Variants in ZSWIM6 observed in about 807,000 individuals in gnomAD.
ZSWIM6 encodes zinc finger SWIM-type containing 6.
Under a neutral mutation model 113.2 loss-of-function variants are expected in ZSWIM6, and 9 were observed. The observed-to-expected ratio is 0.08, with a 90% CI of 0.05 to 0.14. The LOEUF (loss-of-function observed/expected upper bound fraction) is 0.14. ZSWIM6 is among the 10% of genes least tolerant of loss of function. The pLI, the probability that ZSWIM6 is intolerant of heterozygous loss-of-function variation, is 1.00. For synonymous variants in ZSWIM6, 611 were observed against 606.5 expected, an observed-to-expected ratio of 1.01 and a Z score of -0.11; for missense variants, 1,162 against 1,552.2, an observed-to-expected ratio of 0.75 and a Z score of 4.22.
rs532881867 is a variant in ZSWIM6 at position 61,344,790 on chromosome 5, C to T, written c.676+11842C>T. 2.0e-4 allele frequency among the ~76,000 whole-genome samples: 30 copies of T among 152,182 alleles called. 1 individual carries two copies. Among genetic ancestry groups the T allele is most frequent in the Non-Finnish European group, 4.1e-4 (28 of 68,030 alleles). ...AGGCCACGACGGCACAGGGTCAGCA[C>T]GTTGTGGGACTGCTGGTAAATGTCA... On this transcript the variant is annotated intron_variant, in intron 1 of 13. Coordinates refer to ENST00000252744, the MANE Select transcript of ZSWIM6 (RefSeq NM_020928.2).
chr5:61,341,082 T>C (rs1744535329), intron 1 of ZSWIM6, among the ~76,000 whole-genome samples: 3 of 152,242 alleles, frequency 2.0e-5, no homozygotes, highest in South Asian at 2.1e-4. Flanking sequence ...GCCATTATCT[T>C]GGGTGGAGTT....
At chr5:61,391,908 T>G (rs1745725590) in intron 1 of ZSWIM6, 1 of 577,500 alleles carries the variant, frequency 1.7e-6, no homozygotes, top group Non-Finnish European at 3.0e-6. Flanking sequence ...CAAAAAATGG[T>G]ATTTTCAAAA....
At chr5:61,477,042 G>C (rs1024366221) in intron 2 of ZSWIM6, among the ~76,000 whole-genome samples, 12 of 152,196 alleles carry the variant, frequency 7.9e-5, no homozygotes, top group Admixed American at 7.2e-4. Flanking sequence ...GTTAAGAAGA[G>C]AGAAGCCAGT....
intron 1 of ZSWIM6, among the ~76,000 whole-genome samples, chr5:61,434,429 T>C (rs1289441954): frequency 6.6e-6 from 1 of 151,552 alleles, no homozygotes; most frequent in African/African-American, 2.4e-5. Flanking sequence ...ATGTGTAGTC[T>C]TTTATCCCTC....
intron 1 of ZSWIM6, among the ~76,000 whole-genome samples, chr5:61,387,531 T>A (rs761521830): frequency 3.9e-5 from 6 of 151,992 alleles, no homozygotes; most frequent in Non-Finnish European, 8.8e-5. Flanking sequence ...CCAGGTGTGG[T>A]GGCATGCACC....
chr5:61,531,411 TATC>T (rs1749426198), intron 8 of ZSWIM6, 51 bp from the exon 9 acceptor site: 3 of 1,512,964 alleles, frequency 2.0e-6, no homozygotes, highest in Non-Finnish European at 1.8e-6. Flanking sequence ...GTACTTATCA[TATC>T]ATCTGCAAAA....
chr5:61,445,307 C>T (rs1164928506), intron 1 of ZSWIM6, among the ~76,000 whole-genome samples: 2 of 151,974 alleles, frequency 1.3e-5, no homozygotes, highest in Non-Finnish European at 2.9e-5. Context: ...AAAACAAGGA[C>T]AAAGAACAAG....
rs116778322 is a variant in ZSWIM6 at position 61,363,481 on chromosome 5, G to A, written c.676+30533G>A. Reference sequence around the variant, plus strand: ...AAAGGCTGACTAAACCCTTGTTCTCGGCAATCTCATCTCTGATCCCAAAGT... The same window carrying A: ...AAAGGCTGACTAAACCCTTGTTCTCAGCAATCTCATCTCTGATCCCAAAGT... On this transcript the variant is annotated intron_variant, in intron 1 of 13. Transcript: ENST00000252744. 6.9e-3 allele frequency among the ~76,000 whole-genome samples: 1,046 copies of A among 152,164 alleles called. 14 individuals are homozygous for A. The highest frequency in any genetic ancestry group is 0.024 in the African/African-American group (1,007 of 41,516).
chr5:61,335,851 G>C (rs1340505560), intron 1 of ZSWIM6, among the ~76,000 whole-genome samples: 5 of 152,096 alleles, frequency 3.3e-5, no homozygotes, highest in Admixed American at 2.6e-4. Flanking sequence ...AGAAATTTAA[G>C]GGAAAAAAAT....
intron 1 of ZSWIM6, among the ~76,000 whole-genome samples, chr5:61,359,749 A>G (rs1327719897): frequency 6.6e-6 from 1 of 152,162 alleles, no homozygotes; most frequent in Non-Finnish European, 1.5e-5. Flanking sequence ...CCAGGTAGTG[A>G]TCTAAAGTCT....
intron 1 of ZSWIM6, among the ~76,000 whole-genome samples, chr5:61,338,315 C>T (rs1744449441): frequency 6.6e-6 from 1 of 152,100 alleles, no homozygotes; most frequent in Non-Finnish European, 1.5e-5. Context: ...ATTCTGAATG[C>T]ACATTGAAAA....
At chr5:61,539,836 T>C (rs1192139991) in intron 12 of ZSWIM6, 77 bp downstream of exon 12, 58 of 1,406,654 alleles carry the variant, frequency 4.1e-5, no homozygotes. Flanking sequence ...TTTTGTTTGA[T>C]TGGATTTTTG....
At chr5:61,339,750 G>A (rs141581646) in intron 1 of ZSWIM6, among the ~76,000 whole-genome samples, 32 of 152,224 alleles carry the variant, frequency 2.1e-4, no homozygotes, top group African/African-American at 7.5e-4. Context: ...CCACAAAACC[G>A]TTTTTAGCTA....
Position 61,544,003 on chromosome 5 carries a change from A to C in ZSWIM6, c.3334A>C (p.Thr1112Pro). The change falls in exon 14 of 14, where the codon ACT (threonine) becomes CCT (proline). Residue 1112 changes from threonine (T) to proline (P), a missense_variant. By Grantham distance (38) the Thr-to-Pro change is conservative. Around this residue, in one of 4 missense-constraint regions of ZSWIM6, gnomAD observed 113 missense variants for 213.8 expected, o/e 0.53. Transcript: ENST00000252744. ...TVLSDILRRC[T>P]LTTPGMVGLH... ...ACTGTCAGACATTTTGCGCAGATGC[A>C]CTCTGACCACTCCTGGCATGGTGGG... 1 of 1,551,814 alleles carries C rather than the reference A, an allele frequency of 6.4e-7. No homozygotes were observed. Among genetic ancestry groups the C allele is most frequent in the Non-Finnish European group, 8.7e-7 (1 of 1,147,020 alleles).
At chr5:61,359,278 G>A (rs186223205) in intron 1 of ZSWIM6, among the ~76,000 whole-genome samples, 1 of 152,196 alleles carries the variant, frequency 6.6e-6, no homozygotes. Flanking sequence ...TAGGAGACAG[G>A]TATAGTGAGA....
At chr5:61,538,054 G>T (rs1024643161) in intron 10 of ZSWIM6, among the ~76,000 whole-genome samples, 1 of 152,124 alleles carries the variant, frequency 6.6e-6, no homozygotes, top group Non-Finnish European at 1.5e-5. Context: ...CTTCCAAGTA[G>T]CTGGGATTAC....
intron 1 of ZSWIM6, among the ~76,000 whole-genome samples, chr5:61,334,850 CTA>C (rs200811390): frequency 6.7e-6 from 1 of 150,102 alleles, no homozygotes. Context: ...GTATAACAAA[CTA>C]GAGTCTGCGA....
chr5:61,344,529 C>T (rs1744615695), intron 1 of ZSWIM6, among the ~76,000 whole-genome samples: 1 of 152,068 alleles, frequency 6.6e-6, no homozygotes, highest in Non-Finnish European at 1.5e-5. Flanking sequence ...CCTTTCCTTT[C>T]TTGGGGATGG....
At chr5:61,437,717 C>CAAAAAAA (rs1177075747) in intron 1 of ZSWIM6, among the ~76,000 whole-genome samples, 2 of 56,864 alleles carry the variant, frequency 3.5e-5, no homozygotes, top group African/African-American at 6.9e-5. Flanking sequence ...ACCCTTTCTC[C>CAAAAAAA]AAAAAAAAAA....
Sources: gnomAD v4.1 joint callset for allele counts (sites outside exome capture counted in the v4.1 genomes callset) on GRCh38, gnomAD v4.1.1 for gene constraint, gnomAD v4.1.1 regional missense constraint, MANE v1.5 for transcripts, NCBI Gene and HGNC (gene_info 2026-07-23, HGNC 2026-07-21) for gene names.